FOCAD: variants seen among roughly 807,000 people sequenced by gnomAD.
FOCAD encodes focadhesin.
A neutral mutation model predicts 225.6 loss-of-function variants in FOCAD; 198 were observed. The observed-to-expected ratio is 0.88, with a 90% CI of 0.78 to 0.99. The LOEUF (loss-of-function observed/expected upper bound fraction) is 0.99, where lower values mean the gene tolerates loss of function less well. Ranked by LOEUF, FOCAD falls within the 50% of genes least tolerant of loss-of-function variation. The pLI, the probability that FOCAD is intolerant of heterozygous loss-of-function variation, is 0.00. For synonymous variants in FOCAD, 897 were observed against 755.0 expected, an observed-to-expected ratio of 1.19 and a Z score of -3.08; for missense variants, 2,713 against 2,123.6, an observed-to-expected ratio of 1.28 and a Z score of -5.46.
In FOCAD at chr9:20,921,217, A is replaced by G. The variant is rs568040601; in HGVS notation, c.2853-2443A>G. On this transcript the variant is annotated intron_variant, in intron 24 of 43. Coordinates refer to ENST00000338382, the MANE Select transcript of FOCAD (RefSeq NM_001375567.1). ...AATCACTGAAGTATTGAGTCACTTT[A>G]CTAATATGTAATGTAATACTTTGTC... Among the ~76,000 whole-genome samples the G allele has an allele frequency of 3.3e-5, 5 of 152,326 alleles. No individual in the cohort carries two copies. In the East Asian group the frequency reaches 9.6e-4, roughly 29 times the overall value.
chr9:20,860,413 T>C lies in FOCAD; in HGVS notation c.1921-2165T>C, dbSNP rs377467629. Reference sequence around the variant, plus strand: ...TGGGGAAGCCTTACAGTCATGGCCTTTTCTTCTGCCCTAGGAGACTTTAAT... The same window carrying C: ...TGGGGAAGCCTTACAGTCATGGCCTCTTCTTCTGCCCTAGGAGACTTTAAT... On this transcript the variant is annotated intron_variant, in intron 15 of 43. Coordinates refer to ENST00000338382, the MANE Select transcript of FOCAD (RefSeq NM_001375567.1). Among the ~76,000 whole-genome samples, 50 of 152,302 alleles carry C rather than the reference T, an allele frequency of 3.3e-4. 1 individual carries two copies. Among genetic ancestry groups the C allele is most frequent in the African/African-American group, 1.1e-3 (46 of 41,568 alleles).
intron 20 of FOCAD, among the ~76,000 whole-genome samples, chr9:20,882,668 T>C (rs1270115353): frequency 6.6e-6 from 1 of 152,176 alleles, no homozygotes; most frequent in African/African-American, 2.4e-5. Flanking sequence ...CTCAACTTTA[T>C]TGAGAAGCTG....
At chr9:20,757,740 A>G (rs1169341917) in intron 5 of FOCAD, among the ~76,000 whole-genome samples, 2 of 152,036 alleles carry the variant, frequency 1.3e-5, no homozygotes, top group Non-Finnish European at 2.9e-5. Context: ...GTGGCTTGTA[A>G]CCTCTAGGAA....
At chr9:20,825,310 A>G (rs930467781) in intron 15 of FOCAD, among the ~76,000 whole-genome samples, 3 of 152,180 alleles carry the variant, frequency 2.0e-5, no homozygotes, top group East Asian at 1.9e-4. Context: ...TTTTGTGTCC[A>G]GAGTGCTATT....
rs1827543921 is a variant in FOCAD at position 20,850,545 on chromosome 9, G to A, written c.1921-12033G>A. Among the ~76,000 whole-genome samples, 4 of 151,764 alleles carry A rather than the reference G, an allele frequency of 2.6e-5. No individual in the cohort carries two copies. In the South Asian group the frequency reaches 8.3e-4, roughly 32 times the overall value. ...AAATGGAAGTATTTACCATATGTTA[G>A]AAAATAAATCTTTTGCAGTCTTTAT... On this transcript the variant is annotated intron_variant, in intron 15 of 43. Transcript: ENST00000338382.
chr9:20,871,643 A>C (rs1301830294), intron 18 of FOCAD, among the ~76,000 whole-genome samples: 1 of 150,890 alleles, frequency 6.6e-6, no homozygotes, highest in Non-Finnish European at 1.5e-5. Flanking sequence ...AACCTATGGA[A>C]ATAAAAAATT....
chr9:20,808,465 T>G (rs1188387871), intron 11 of FOCAD, among the ~76,000 whole-genome samples: 1 of 152,142 alleles, frequency 6.6e-6, no homozygotes, highest in Non-Finnish European at 1.5e-5. Flanking sequence ...AAAGTTAGAG[T>G]GACAAACAGT....
At chr9:20,980,696 T>C (rs1840617445) in intron 37 of FOCAD, among the ~76,000 whole-genome samples, 1 of 152,332 alleles carries the variant, frequency 6.6e-6, no homozygotes, top group South Asian at 2.1e-4. Context: ...CAAAAAAGTT[T>C]TTGCCAGATT....
intron 5 of FOCAD, among the ~76,000 whole-genome samples, chr9:20,746,049 T>A (rs1382082319): frequency 6.6e-6 from 1 of 152,168 alleles, no homozygotes; most frequent in Non-Finnish European, 1.5e-5. Flanking sequence ...TGAGGGCAAA[T>A]GTGTTCATCA....
intron 1 of FOCAD, among the ~76,000 whole-genome samples, chr9:20,706,855 G>T (rs1291844186): frequency 6.6e-6 from 1 of 152,136 alleles, no homozygotes; most frequent in Non-Finnish European, 1.5e-5. Flanking sequence ...AGGGATCCAC[G>T]TTCTTCCCAT....
chr9:20,972,656 C>T (rs550865851), intron 35 of FOCAD, among the ~76,000 whole-genome samples: 71 of 152,036 alleles, frequency 4.7e-4, no homozygotes, highest in Non-Finnish European at 9.3e-4. Flanking sequence ...TCTTTCTCTG[C>T]CTGCTTTTTC....
chr9:20,874,747 T>C lies in FOCAD; in HGVS notation c.2257T>C (p.Ser753Pro), dbSNP rs1193017002. ...TGAAGATGTTGAGGATGTGGATCTT[T>C]CAGTTCCTGGCTCTTGCTATCTCAA... The part of the protein sequence containing the change: ...DDEDVEDVDL[S>P]VPGSCYLKLL... The change falls in exon 19 of 44, where the codon TCA (serine) becomes CCA (proline). Residue 753 changes from serine to proline, a missense_variant. Coordinates refer to ENST00000338382, the MANE Select transcript of FOCAD (RefSeq NM_001375567.1). 1.9e-6 allele frequency: 3 copies of C among 1,613,606 alleles called. No homozygotes were observed.
intron 1 of FOCAD, among the ~76,000 whole-genome samples, chr9:20,695,512 G>T (rs960230763): frequency 2.0e-5 from 3 of 152,056 alleles, no homozygotes; most frequent in Non-Finnish European, 2.9e-5. Context: ...AATACAATCA[G>T]TTTTTTCCCT....
intron 3 of FOCAD, among the ~76,000 whole-genome samples, chr9:20,719,449 A>G (rs139912922): frequency 6.6e-6 from 1 of 152,038 alleles, no homozygotes; most frequent in African/African-American, 2.4e-5. Flanking sequence ...CCCAAATTAT[A>G]TATTTCCCTA....
At chr9:20,764,695 T>C (rs1829907032) in intron 6 of FOCAD, among the ~76,000 whole-genome samples, 174 bp from the exon 7 acceptor site, 1 of 152,216 alleles carries the variant, frequency 6.6e-6, no homozygotes. Flanking sequence ...TACAAAGAAC[T>C]GTTTGGCATA....
intron 8 of FOCAD, among the ~76,000 whole-genome samples, chr9:20,771,494 C>G (rs927776890): frequency 3.9e-5 from 6 of 152,158 alleles, no homozygotes; most frequent in Non-Finnish European, 8.8e-5. Flanking sequence ...TGCAGTGGCT[C>G]TCACCTGTAA....
chr9:20,991,327 C>T (rs919824187), intron 42 of FOCAD, among the ~76,000 whole-genome samples: 2 of 152,016 alleles, frequency 1.3e-5, no homozygotes, highest in African/African-American at 4.8e-5. Context: ...AAGTTGAAAG[C>T]TTCAAACTAA....
chr9:20,714,641 TTCC>T (rs1563905541), intron 1 of FOCAD, among the ~76,000 whole-genome samples: 4 of 118,280 alleles, frequency 3.4e-5, no homozygotes, highest in Non-Finnish European at 7.4e-5. Context: ...CCTGCCTTCC[TTCC>T]TTCCTTCCTT....
chr9:20,751,231 A>G (rs1008450539), intron 5 of FOCAD, among the ~76,000 whole-genome samples: 10 of 149,580 alleles, frequency 6.7e-5, no homozygotes, highest in Non-Finnish European at 1.3e-4. Flanking sequence ...ACATATGTAT[A>G]CCTGTGCCAT....
Sources: gnomAD v4.1 joint callset for allele counts (sites outside exome capture counted in the v4.1 genomes callset) on GRCh38, gnomAD v4.1.1 for gene constraint, MANE v1.5 for transcripts, NCBI Gene and HGNC (gene_info 2026-07-23, HGNC 2026-07-21) for gene names.